Variants in XRCC4 observed in about 807,000 individuals in gnomAD.
The protein encoded by XRCC4 is X-ray repair cross complementing 4, also known as DNA repair protein XRCC4.
A neutral mutation model predicts 39.1 loss-of-function variants in XRCC4; 28 were observed. That is an observed-to-expected ratio of 0.72 (90% CI 0.53 to 0.98). The LOEUF (loss-of-function observed/expected upper bound fraction) is 0.98. Among genes scored for constraint, XRCC4 ranks in the 50% least tolerant of loss-of-function variants. The pLI, the probability that XRCC4 is intolerant of heterozygous loss-of-function variation, is 0.00. For missense variants in XRCC4, 350 were observed against 376.4 expected (o/e 0.93, Z 0.58); for synonymous variants, 123 against 126.4 (o/e 0.97, Z 0.18).
chr5:83,261,301 GAAGC>G (rs905731586), intron 7 of XRCC4, among the ~76,000 whole-genome samples: 4 of 151,788 alleles, frequency 2.6e-5, no homozygotes, highest in African/African-American at 9.7e-5. Context: ...CTCCCTTCCT[GAAGC>G]ATGATTTTTT....
At chr5:83,234,276 T>G (rs1005127178) in intron 6 of XRCC4, among the ~76,000 whole-genome samples, 1 of 152,204 alleles carries the variant, frequency 6.6e-6, no homozygotes, top group Admixed American at 6.5e-5. Context: ...TCCGAATAAT[T>G]TTGAAAGGAA....
intron 7 of XRCC4, among the ~76,000 whole-genome samples, chr5:83,325,205 G>A (rs1362621251): frequency 6.6e-6 from 1 of 151,952 alleles, no homozygotes; most frequent in Non-Finnish European, 1.5e-5. Flanking sequence ...TCTGCTTTCA[G>A]CCAGATTCTC....
At chr5:83,226,200 A>C (rs1303641440) in intron 6 of XRCC4, among the ~76,000 whole-genome samples, 1 of 152,048 alleles carries the variant, frequency 6.6e-6, no homozygotes, top group Non-Finnish European at 1.5e-5. Context: ...GCAGTTCCTT[A>C]GGTAGATGTT....
chr5:83,250,587 A>G (rs998129000), intron 6 of XRCC4, among the ~76,000 whole-genome samples: 3 of 152,346 alleles, frequency 2.0e-5, no homozygotes, highest in African/African-American at 7.2e-5. Context: ...AGGATGCTTG[A>G]GGGCTACCCA....
intron 3 of XRCC4, among the ~76,000 whole-genome samples, chr5:83,134,745 G>T (rs1054851639): frequency 2.6e-5 from 4 of 152,122 alleles, no homozygotes; most frequent in African/African-American, 9.7e-5. Context: ...AATAAATCTT[G>T]CTGCTGCTCA....
intron 3 of XRCC4, among the ~76,000 whole-genome samples, chr5:83,193,333 G>C (rs1417308699): frequency 1.3e-5 from 2 of 151,996 alleles, no homozygotes; most frequent in Non-Finnish European, 2.9e-5. Context: ...TAAATTTATA[G>C]ATACTTTTAG....
intron 3 of XRCC4, among the ~76,000 whole-genome samples, chr5:83,173,497 G>C (rs1255003300): frequency 6.6e-6 from 1 of 152,128 alleles, no homozygotes; most frequent in Non-Finnish European, 1.5e-5. Flanking sequence ...AACTGTTCCA[G>C]ATATTCAACT....
chr5:83,108,365 A>C (rs1048762182), intron 2 of XRCC4, among the ~76,000 whole-genome samples: 5 of 151,950 alleles, frequency 3.3e-5, no homozygotes, highest in African/African-American at 1.2e-4. Flanking sequence ...ACATTTTTGA[A>C]CAAATAGCTG....
intron 7 of XRCC4, among the ~76,000 whole-genome samples, chr5:83,322,021 G>A (rs578223624): frequency 5.2e-4 from 78 of 150,624 alleles, no homozygotes; most frequent in Non-Finnish European, 1.0e-3. Flanking sequence ...GATGATAATT[G>A]TAAACATTTG....
intron 6 of XRCC4, among the ~76,000 whole-genome samples, chr5:83,251,478 C>A (rs1027660503): frequency 7.2e-6 from 1 of 138,940 alleles, no homozygotes; most frequent in African/African-American, 2.7e-5. Context: ...GAGCTGAGAT[C>A]GTGCCACTGC....
chr5:83,290,920 C>G (rs933264556), intron 7 of XRCC4, among the ~76,000 whole-genome samples: 16 of 151,768 alleles, frequency 1.1e-4, no homozygotes, highest in Non-Finnish European at 2.4e-4. Context: ...AAAATCATTA[C>G]TTTGTTGTTT....
chr5:83,175,817 C>T (rs1172198206), intron 3 of XRCC4, among the ~76,000 whole-genome samples: 3 of 152,058 alleles, frequency 2.0e-5, no homozygotes, highest in Non-Finnish European at 4.4e-5. Context: ...CCGTGTTGGC[C>T]AGGCTGGTCT....
intron 6 of XRCC4, among the ~76,000 whole-genome samples, chr5:83,228,846 T>A (rs986259996): frequency 6.6e-6 from 1 of 152,090 alleles, no homozygotes; most frequent in Non-Finnish European, 1.5e-5. Flanking sequence ...TTCCTTTTTA[T>A]TTTAAACATT....
At chr5:83,128,357 T>G (rs1747382803) in intron 3 of XRCC4, among the ~76,000 whole-genome samples, 1 of 152,202 alleles carries the variant, frequency 6.6e-6, no homozygotes, top group African/African-American at 2.4e-5. Context: ...CCACATTTTC[T>G]TAATCCAGTC....
chr5:83,120,529 G>A (rs1746961484), intron 3 of XRCC4, among the ~76,000 whole-genome samples: 1 of 152,300 alleles, frequency 6.6e-6, no homozygotes, highest in East Asian at 1.9e-4. Context: ...AATTTCATGT[G>A]AATGGAACTA....
At chr5:83,118,065 C>T (rs1746822956) in intron 3 of XRCC4, among the ~76,000 whole-genome samples, 1 of 112,566 alleles carries the variant, frequency 8.9e-6, no homozygotes, top group African/African-American at 3.9e-5. Flanking sequence ...CACACACACA[C>T]ACACACACAC....
intron 6 of XRCC4, among the ~76,000 whole-genome samples, chr5:83,257,430 G>T (rs1238563774): frequency 6.6e-6 from 1 of 151,916 alleles, no homozygotes; most frequent in African/African-American, 2.4e-5. Flanking sequence ...ACAGACATAT[G>T]AAAAAAAGCT....
intron 7 of XRCC4, 83 bp from the exon 8 acceptor site, chr5:83,353,048 A>T: frequency 1.9e-6 from 2 of 1,081,058 alleles, no homozygotes; most frequent in Non-Finnish European, 2.7e-6. Context: ...CTGTCATTTC[A>T]CTTATGTGTC....
intron 3 of XRCC4, among the ~76,000 whole-genome samples, chr5:83,144,230 A>G (rs1234067609): frequency 6.7e-6 from 1 of 150,222 alleles, no homozygotes; most frequent in East Asian, 2.0e-4. Context: ...TGCAAAAGAC[A>G]TCATTTCCTT....
Sources: allele counts gnomAD v4.1 joint callset (sites outside exome capture counted in the v4.1 genomes callset), GRCh38; gene constraint gnomAD v4.1.1; transcripts MANE v1.5; gene names NCBI Gene and HGNC (gene_info 2026-07-23, HGNC 2026-07-21).